The following RABEP1 variants were observed in gnomAD, a reference collection of about 807,000 sequenced individuals.
RABEP1 encodes rab GTPase-binding effector protein 1.
Under a neutral mutation model 123.4 loss-of-function variants are expected in RABEP1, and 51 were observed. The observed-to-expected ratio is 0.41, with a 90% CI of 0.33 to 0.52. The LOEUF is 0.52. Among genes scored for constraint, RABEP1 ranks in the 20% least tolerant of loss-of-function variants. The pLI, the probability that RABEP1 is intolerant of heterozygous loss-of-function variation, is 0.16. For missense variants in RABEP1, 888 were observed against 996.3 expected (o/e 0.89, Z 1.46); for synonymous variants, 347 against 355.2 (o/e 0.98, Z 0.26).
rs376687369 is a variant in RABEP1, at chr17:5,308,747, C to A, written c.88C>A (p.Arg30Ser). The change falls in exon 2 of 18, where the codon CGT becomes AGT. Residue 30 changes from arginine to serine, a missense_variant. Physicochemically the swap from Arg to Ser is moderately radical, Grantham distance 110. Coordinates refer to ENST00000537505, the MANE Select transcript of RABEP1 (RefSeq NM_004703.6). Reference protein sequence around the residue: ...ELEKINAEFLRAQQQLEQEFN... With the variant: ...ELEKINAEFLSAQQQLEQEFN... ...GGAAAAAATTAATGCAGAATTTTTA[C>A]GTGCACAACAGCAGCTTGAACAAGA... 6.2e-7 allele frequency: 1 copy of A among 1,612,102 alleles called. No homozygotes were observed. Among genetic ancestry groups the A allele is most frequent in the African/African-American group, 1.3e-5 (1 of 74,958 alleles).
chr17:5,287,375 G>C (rs2074988676), intron 1 of RABEP1, among the ~76,000 whole-genome samples: 1 of 152,106 alleles, frequency 6.6e-6, no homozygotes, highest in Admixed American at 6.6e-5. Flanking sequence ...GAGGCAGGTG[G>C]ATCACCTGAG....
chr17:5,326,962 T>C (rs1906035630), intron 2 of RABEP1, among the ~76,000 whole-genome samples: 2 of 152,240 alleles, frequency 1.3e-5, no homozygotes, highest in South Asian at 4.1e-4. Context: ...CTACATGGTA[T>C]AGCCTATTGC....
At chr17:5,375,787 AG>A (rs1359774569) in intron 13 of RABEP1, among the ~76,000 whole-genome samples, 1 of 151,920 alleles carries the variant, frequency 6.6e-6, no homozygotes, top group Non-Finnish European at 1.5e-5. Context: ...TCCACCTGTT[AG>A]ATTTTTCTCT....
intron 1 of RABEP1, among the ~76,000 whole-genome samples, chr17:5,293,837 A>G (rs1191707567): frequency 1.3e-5 from 2 of 152,172 alleles, no homozygotes; most frequent in African/African-American, 2.4e-5. Context: ...TTATGTTGTT[A>G]GTGTTTAAAT....
chr17:5,308,897 A>G, intron 2 of RABEP1, 75 bp downstream of exon 2: 1 of 1,326,816 alleles, frequency 7.5e-7, no homozygotes, highest in South Asian at 1.6e-5. Context: ...TAGTAGTGTT[A>G]ATTTTATCAT....
intron 13 of RABEP1, among the ~76,000 whole-genome samples, chr17:5,375,473 C>T (rs1910913835): frequency 6.6e-6 from 1 of 152,092 alleles, no homozygotes; most frequent in Non-Finnish European, 1.5e-5. Flanking sequence ...AGGCAGATTG[C>T]TTGAGGTCAG....
chr17:5,301,816 C>T (rs2075137555), intron 1 of RABEP1, among the ~76,000 whole-genome samples: 3 of 151,562 alleles, frequency 2.0e-5, no homozygotes, highest in Non-Finnish European at 4.4e-5. Context: ...TAAAACTGCA[C>T]TAGCTTCAGG....
rs1296779057 is a variant in RABEP1 at position 5,335,167 on chromosome 17, G to A, written c.368-17G>A. 14 of 1,588,598 alleles carry A rather than the reference G, an allele frequency of 8.8e-6. No homozygotes were observed. Among genetic ancestry groups the A allele is most frequent in the Non-Finnish European group, 1.0e-5 (12 of 1,166,358 alleles). ...TTCATAATGCTTAGATGTGAAATAT[G>A]TGGTGATGTTTTGTAGAAACAGTTC... On this transcript the variant is annotated splice_polypyrimidine_tract_variant and intron_variant, in intron 3 of 17. Coordinates refer to ENST00000537505, the MANE Select transcript of RABEP1 (RefSeq NM_004703.6).
At chr17:5,368,772 A>G (rs1326309826) in intron 12 of RABEP1, among the ~76,000 whole-genome samples, 1 of 152,234 alleles carries the variant, frequency 6.6e-6, no homozygotes, top group Non-Finnish European at 1.5e-5. Context: ...AAAGCTAAAA[A>G]ATTGAATGTC....
chr17:5,290,197 C>T (rs1267558277), intron 1 of RABEP1, among the ~76,000 whole-genome samples: 1 of 152,308 alleles, frequency 6.6e-6, no homozygotes, highest in East Asian at 1.9e-4. Flanking sequence ...ACGCCATTCT[C>T]CTGCCTCAGC....
chr17:5,342,875 CAGAA>C (rs371940478), intron 5 of RABEP1, among the ~76,000 whole-genome samples: 118 of 152,264 alleles, frequency 7.7e-4, no homozygotes, highest in South Asian at 1.9e-3. Context: ...ATCAATAAAA[CAGAA>C]AGCCCAGAAA....
At chr17:5,342,531 A>G (rs781530328) in intron 5 of RABEP1, among the ~76,000 whole-genome samples, 18 of 152,172 alleles carry the variant, frequency 1.2e-4, no homozygotes, top group Non-Finnish European at 2.9e-5. Context: ...CCAATCTCTC[A>G]GGAGGCAGAG....
intron 1 of RABEP1, among the ~76,000 whole-genome samples, chr17:5,307,521 C>T (rs2075190668): frequency 6.6e-6 from 1 of 152,156 alleles, no homozygotes; most frequent in East Asian, 1.9e-4. Context: ...GAGTGACTTG[C>T]AGTAGGAAAC....
intron 1 of RABEP1, among the ~76,000 whole-genome samples, chr17:5,301,782 A>T (rs1269390387): frequency 4.6e-5 from 7 of 152,104 alleles, no homozygotes; most frequent in Non-Finnish European, 1.0e-4. Context: ...AAAAAAAAAA[A>T]AAATCAACCA....
At chr17:5,376,936 A>G (rs966099837) in intron 13 of RABEP1, among the ~76,000 whole-genome samples, 180 bp from the exon 14 acceptor site, 7 of 152,216 alleles carry the variant, frequency 4.6e-5, no homozygotes, top group African/African-American at 1.7e-4. Context: ...TCTTTTCTAT[A>G]ACATACTGAA....
At chr17:5,309,279 A>G (rs1034412808) in intron 2 of RABEP1, among the ~76,000 whole-genome samples, 3 of 152,154 alleles carry the variant, frequency 2.0e-5, no homozygotes, top group African/African-American at 7.2e-5. Context: ...AAAGAGGAAA[A>G]TTCATGTGGT....
intron 11 of RABEP1, among the ~76,000 whole-genome samples, chr17:5,365,552 A>G (rs543665192): frequency 3.2e-4 from 48 of 152,240 alleles, no homozygotes; most frequent in African/African-American, 1.1e-3. Context: ...TAAACTTTTT[A>G]AAAGTATAGC....
chr17:5,358,844 C>G (rs1422694986), intron 8 of RABEP1, among the ~76,000 whole-genome samples: 1 of 152,034 alleles, frequency 6.6e-6, no homozygotes, highest in Non-Finnish European at 1.5e-5. Context: ...CACTACAGCC[C>G]CGATCTCCTG....
At position 5,332,044 on chromosome 17, in the gene RABEP1, A is replaced by G; in HGVS notation, c.259A>G (p.Asn87Asp). The G allele has an allele frequency of 6.2e-7, 1 of 1,614,082 alleles. No homozygotes were observed. The highest frequency in any genetic ancestry group is 8.5e-7 in the Non-Finnish European group (1 of 1,179,996). The part of the protein sequence containing the change: ...QLWEAQAEME[N>D]IKAIATVSEN... ...GTGGGAAGCTCAAGCAGAGATGGAGAATATTAAGGCGATTGCCACAGTCTC... is the reference window on the plus strand; with the variant it reads ...GTGGGAAGCTCAAGCAGAGATGGAGGATATTAAGGCGATTGCCACAGTCTC... The change falls in exon 3 of 18, where the codon AAT (asparagine) becomes GAT (aspartate). Residue 87 changes from asparagine to aspartate, a missense_variant. Physicochemically the swap from Asn to Asp is conservative, Grantham distance 23 (BLOSUM62 1). Transcript: ENST00000537505.
Sources: allele counts gnomAD v4.1 joint callset (sites outside exome capture counted in the v4.1 genomes callset), GRCh38; gene constraint gnomAD v4.1.1; transcripts MANE v1.5; gene names NCBI Gene and HGNC (gene_info 2026-07-23, HGNC 2026-07-21).